The following CARMIL1 variants were observed in gnomAD, a reference collection of about 807,000 sequenced individuals.
CARMIL1 encodes F-actin-uncapping protein LRRC16A.
CARMIL1 carries 90 observed loss-of-function variants against 177.1 expected under a neutral mutation model. The observed-to-expected ratio is 0.51, with a 90% CI of 0.43 to 0.61. The LOEUF is 0.61. CARMIL1 is among the 20% of genes least tolerant of loss of function. The probability of loss-of-function intolerance (pLI) is 0.00; values close to 1 mark genes in which losing one functional copy is unlikely to be tolerated. For synonymous variants in CARMIL1, 577 were observed against 606.2 expected (o/e 0.95, Z 0.71); for missense variants, 1,380 against 1,667.0 (o/e 0.83, Z 3.00).
chr6:25,485,196 C>T (rs1802509254), intron 12 of CARMIL1, among the ~76,000 whole-genome samples: 1 of 152,118 alleles, frequency 6.6e-6, no homozygotes, highest in Non-Finnish European at 1.5e-5. Context: ...GCCACCTCTC[C>T]CTGATGTTCC....
intron 2 of CARMIL1, among the ~76,000 whole-genome samples, chr6:25,327,848 AC>A (rs1785270112): frequency 6.6e-6 from 1 of 152,236 alleles, no homozygotes; most frequent in South Asian, 2.1e-4. Context: ...GTGAGGAAGA[AC>A]AAAAACAGAT....
chr6:25,554,170 G>C lies in CARMIL1; in HGVS notation c.2592+74G>C. 9.7e-7 allele frequency: 1 copy of C among 1,032,630 alleles called. No homozygotes were observed. Among genetic ancestry groups the C allele is most frequent in the East Asian group, 2.6e-5 (1 of 38,380 alleles). The allele number at this position is 1,032,630 out of a possible 1,614,324, so 64.0% of individuals were successfully genotyped here. A position where few individuals can be genotyped will look rare whatever the true frequency, so the allele number is the denominator to read the frequency against. On this transcript the variant is annotated intron_variant, in intron 28 of 36. Coordinates refer to ENST00000329474, the MANE Select transcript of CARMIL1 (RefSeq NM_017640.6). This position sits in a 1 kb window ranked among gnomAD's most constrained non-coding sequence, Gnocchi z 4.6. ...GTGATGCAGGATGACTTCCGGTGTG[G>C]GGATGTGATTTCTTTTCTGTATTTC...
intron 8 of CARMIL1, among the ~76,000 whole-genome samples, chr6:25,461,286 C>T (rs756555015): frequency 6.6e-6 from 1 of 152,210 alleles, no homozygotes; most frequent in East Asian, 1.9e-4. Context: ...GACTACCTTG[C>T]GTGCATGAAG....
intron 11 of CARMIL1, among the ~76,000 whole-genome samples, chr6:25,476,356 T>G (rs1330529581): frequency 6.6e-6 from 1 of 152,190 alleles, no homozygotes; most frequent in Non-Finnish European, 1.5e-5. Flanking sequence ...TCTGCTCACA[T>G]ACCCTCAAAT....
chr6:25,294,826 G>A (rs569416412), intron 2 of CARMIL1, among the ~76,000 whole-genome samples: 1 of 152,270 alleles, frequency 6.6e-6, no homozygotes, highest in East Asian at 1.9e-4. Flanking sequence ...TTAAACAACT[G>A]TTGGTGTTTG....
chr6:25,395,166 C>G (rs1256068840), intron 2 of CARMIL1, among the ~76,000 whole-genome samples: 1 of 152,198 alleles, frequency 6.6e-6, no homozygotes, highest in Non-Finnish European at 1.5e-5. Context: ...TAAGCATGGA[C>G]ATATTTCTGT....
intron 17 of CARMIL1, among the ~76,000 whole-genome samples, 174 bp downstream of exon 17, chr6:25,500,409 G>T (rs1459518467): frequency 6.6e-6 from 1 of 152,204 alleles, no homozygotes; most frequent in Non-Finnish European, 1.5e-5. Flanking sequence ...GACAGCCACA[G>T]AACATCATTT....
intron 2 of CARMIL1, among the ~76,000 whole-genome samples, chr6:25,412,583 G>A (rs927985): frequency 0.85 from 129,858 of 152,144 alleles, 55,487 homozygotes; most frequent in South Asian, 0.93. Context: ...ATCTTAAAGA[G>A]AAAAGGAGGA....
chr6:25,415,753 A>G (rs1362697326), intron 2 of CARMIL1, among the ~76,000 whole-genome samples: 1 of 152,194 alleles, frequency 6.6e-6, no homozygotes, highest in Non-Finnish European at 1.5e-5. Context: ...CTGTGTTACA[A>G]ATGAAATACT....
At position 25,515,805 on chromosome 6, in the gene CARMIL1, C is replaced by T. The variant is rs1278139874; in HGVS notation, c.1763C>T (p.Ala588Val). Residue 588 changes from alanine (A) to valine (V), a missense_variant, in exon 21 of 37, where the codon GCG becomes GTG. Transcript: ENST00000329474. This position sits in a 1 kb window ranked among gnomAD's most constrained non-coding sequence, Gnocchi z 5.0. The stretch of plus-strand genomic sequence containing the variant: ...GGCAACGGAATGGGGGACATGGGAG[C>T]GAAGATGCTGGCCAAAGCACTGCAG... ...ISGNGMGDMG[A>V]KMLAKALQIN... 5.0e-6 allele frequency: 8 copies of T among 1,610,660 alleles called. No homozygotes were observed. The highest frequency in any genetic ancestry group is 6.8e-6 in the Non-Finnish European group (8 of 1,178,676).
intron 2 of CARMIL1, among the ~76,000 whole-genome samples, chr6:25,412,028 C>G (rs72831234): frequency 6.6e-6 from 1 of 151,972 alleles, no homozygotes; most frequent in African/African-American, 2.4e-5. Context: ...AATAAGGTCT[C>G]TAGAGATTGT....
intron 2 of CARMIL1, among the ~76,000 whole-genome samples, chr6:25,374,489 C>T (rs777146012): frequency 2.0e-5 from 3 of 152,114 alleles, no homozygotes; most frequent in Non-Finnish European, 2.9e-5. Context: ...ATGAGAAGAA[C>T]GTATATTTTG....
intron 2 of CARMIL1, among the ~76,000 whole-genome samples, chr6:25,369,224 C>T (rs563713043): frequency 7.2e-5 from 11 of 152,152 alleles, no homozygotes; most frequent in African/African-American, 1.4e-4. Context: ...AAGTCCCAGA[C>T]GGGGAACTCA....
chr6:25,352,152 TAAAAA>T (rs71744522), intron 2 of CARMIL1, among the ~76,000 whole-genome samples: 3 of 144,092 alleles, frequency 2.1e-5, no homozygotes, highest in African/African-American at 5.1e-5. Context: ...TTGGATACAG[TAAAAA>T]AAAAAAAAAA....
At chr6:25,392,319 T>C (rs1415053486) in intron 2 of CARMIL1, among the ~76,000 whole-genome samples, 2 of 152,222 alleles carry the variant, frequency 1.3e-5, no homozygotes, top group Non-Finnish European at 2.9e-5. Context: ...AAGAGTTCAC[T>C]TCTTTCCACA....
intron 2 of CARMIL1, among the ~76,000 whole-genome samples, chr6:25,315,498 C>T (rs1396982481): frequency 2.6e-5 from 4 of 152,332 alleles, no homozygotes; most frequent in Admixed American, 2.0e-4. Context: ...GACTGGGGCC[C>T]GAGCAGGGCA....
chr6:25,348,529 A>G (rs1244765426), intron 2 of CARMIL1, among the ~76,000 whole-genome samples: 1 of 151,778 alleles, frequency 6.6e-6, no homozygotes, highest in Non-Finnish European at 1.5e-5. Flanking sequence ...CACGCCTGTA[A>G]TCTGAGCACT....
At chr6:25,469,964 T>C (rs893407430) in intron 9 of CARMIL1, among the ~76,000 whole-genome samples, 2 of 152,216 alleles carry the variant, frequency 1.3e-5, no homozygotes, top group Non-Finnish European at 2.9e-5. Flanking sequence ...AAATGCCCAA[T>C]TCTACCACCA....
chr6:25,595,037 G>A (rs186809015), intron 32 of CARMIL1, among the ~76,000 whole-genome samples: 2 of 152,298 alleles, frequency 1.3e-5, no homozygotes, highest in Admixed American at 1.3e-4. Flanking sequence ...CAAAATGACA[G>A]CAAAATTAGC....
Sources: allele counts gnomAD v4.1 joint callset (sites outside exome capture counted in the v4.1 genomes callset), GRCh38; gene constraint gnomAD v4.1.1; non-coding constraint Gnocchi (gnomAD v3.1); transcripts MANE v1.5; gene names NCBI Gene and HGNC (gene_info 2026-07-23, HGNC 2026-07-21).